The following CALHM1 variants were observed in gnomAD, a reference collection of about 807,000 sequenced individuals.
The protein encoded by CALHM1 is calcium homeostasis modulator 1, also known as calcium homeostasis modulator protein 1.
Under a neutral mutation model 14.8 loss-of-function variants are expected in CALHM1, and 11 were observed. That is an observed-to-expected ratio of 0.74 (90% confidence interval 0.47 to 1.23). The LOEUF (loss-of-function observed/expected upper bound fraction) is 1.23. CALHM1 is among the 50% of genes most tolerant of loss of function. CALHM1 has a pLI of 0.00. For missense variants in CALHM1, 458 were observed against 496.4 expected (o/e 0.92, Z 0.74); for synonymous variants, 215 against 218.9 (o/e 0.98, Z 0.16).
chr10:103,455,627 T>A lies in CALHM1; in HGVS notation c.676A>T (p.Ile226Phe), dbSNP rs145430538. 3 of 1,613,750 alleles carry A rather than the reference T, an allele frequency of 1.9e-6. No homozygotes were observed. Among genetic ancestry groups the A allele is most frequent in the Non-Finnish European group, 2.5e-6 (3 of 1,180,038 alleles). The part of the protein sequence containing the change: ...KSKYWSHYID[I>F]ERKLFDETCT... Reference sequence around the variant, plus strand: ...GTCTCGTCGAAGAGCTTGCGCTCGATGTCGATATAGTGGGACCAGTACTTG... The same window carrying A: ...GTCTCGTCGAAGAGCTTGCGCTCGAAGTCGATATAGTGGGACCAGTACTTG... Residue 226 changes from isoleucine to phenylalanine, a missense_variant, in exon 2 of 2, where the codon ATC (isoleucine) becomes TTC (phenylalanine). By Grantham distance (21) the Ile-to-Phe change is conservative. Coordinates refer to ENST00000329905, the MANE Select transcript of CALHM1 (RefSeq NM_001001412.4).
Position 103,455,131 on chromosome 10 carries a change from G to A in CALHM1, c.*131C>T, listed in dbSNP as rs1469655330. 1.5e-6 allele frequency: 2 copies of A among 1,322,094 alleles called. No homozygotes were observed. The highest frequency in any genetic ancestry group is 2.5e-5 in the East Asian group (1 of 39,560). 81.9% of individuals were successfully genotyped at this position (1,322,094 alleles called of 1,614,324 possible). On this transcript the variant is annotated 3_prime_UTR_variant, in exon 2 of 2. Transcript: ENST00000329905. ...TTTCCTGCCTCCAATGGGCAGGCGAGTGCTAGGGAGTGTGGATCTGCCTAG... is the reference window on the plus strand; with the variant it reads ...TTTCCTGCCTCCAATGGGCAGGCGAATGCTAGGGAGTGTGGATCTGCCTAG...
rs1293997168 is a variant in CALHM1, at chr10:103,455,747, C to T, written c.556G>A (p.Ala186Thr). 1 of 1,609,820 alleles carries T rather than the reference C, an allele frequency of 6.2e-7. No homozygotes were observed. The highest frequency in any genetic ancestry group is 8.5e-7 in the Non-Finnish European group (1 of 1,177,866). ...AGCAGCACGAAGGACCAGCCCAGCG[C>T]CTGTGGGAAGATGAGAGAGAGTCAC... ...AVRYLRCISQ[A>T]LGWSFVLLTT... Residue 186 changes from alanine (A) to threonine (T), a missense_variant and splice_region_variant, in exon 2 of 2, where the codon GCG (alanine) becomes ACG (threonine). Physicochemically the swap from Ala to Thr is moderately conservative, Grantham distance 58. Transcript: ENST00000329905.
At position 103,458,566 on chromosome 10, in the gene CALHM1, C is replaced by T. The variant is rs1011235938; in HGVS notation, c.186G>A (p.Leu62=). 1.2e-5 allele frequency: 19 copies of T among 1,613,902 alleles called. No individual in the cohort carries two copies. Among genetic ancestry groups the T allele is most frequent in the Middle Eastern group, 1.6e-4 (1 of 6,062 alleles). ...YSAGILLAPP[L]VLFLLGLVMN... is the part of the protein sequence containing the mutation. Reference sequence around the variant, plus strand: ...TGACCAGGCCAAGCAGAAAGAGCACCAGGGGTGGCGCCAGCAGGATGCCCG... The same window carrying T: ...TGACCAGGCCAAGCAGAAAGAGCACTAGGGGTGGCGCCAGCAGGATGCCCG... Residue 62 remains leucine (L), a synonymous_variant, in exon 1 of 2, where the codon CTG becomes CTA. Coordinates refer to ENST00000329905, the MANE Select transcript of CALHM1 (RefSeq NM_001001412.4). This position sits in a 1 kb window ranked among gnomAD's most constrained non-coding sequence, Gnocchi z 4.9.
In CALHM1 at chr10:103,458,693, A is replaced by C. The variant is rs2033187645; in HGVS notation, c.59T>G (p.Met20Arg). 1.2e-6 allele frequency: 2 copies of C among 1,614,112 alleles called. No homozygotes were observed. ...QFLQSNQESFMNGICGIMALA... is the reference protein window; with the variant it reads ...QFLQSNQESFRNGICGIMALA... ...GGCCATGATGCCACAGATGCCATTC[A>C]TGAAGGACTCCTGGTTGGACTGCAG... The change falls in exon 1 of 2, where the codon ATG becomes AGG. Residue 20 changes from methionine (M) to arginine (R), a missense_variant. Met to Arg is a moderately conservative substitution (Grantham distance 91, BLOSUM62 -1). Transcript: ENST00000329905. The surrounding 1 kb of genome is among the most constrained non-coding windows in gnomAD (Gnocchi z 4.9).
Position 103,458,061 on chromosome 10 carries a change from A to G in CALHM1, c.555+136T>C. 9.6e-7 allele frequency: 1 copy of G among 1,042,406 alleles called. No individual in the cohort carries two copies. Among genetic ancestry groups the G allele is most frequent in the Admixed American group, 2.3e-5 (1 of 44,038 alleles). The allele number at this position is 1,042,406 out of a possible 1,614,324, so 64.6% of individuals were successfully genotyped here. ...GATGCGTGGCTCTGCCTTCAGCCTC[A>G]GTTGGGAAGATGCCCCCCACACCTC... is the stretch of plus-strand genomic sequence containing the variant. On this transcript the variant is annotated intron_variant, in intron 1 of 1. Coordinates refer to ENST00000329905, the MANE Select transcript of CALHM1 (RefSeq NM_001001412.4). The surrounding 1 kb of genome is among the most constrained non-coding windows in gnomAD (Gnocchi z 4.9).
chr10:103,458,671 C>T lies in CALHM1; in HGVS notation c.81G>A (p.Met27Ile). 1 of 1,614,088 alleles carries T rather than the reference C, an allele frequency of 6.2e-7. No individual in the cohort carries two copies. The highest frequency in any genetic ancestry group is 2.2e-5 in the East Asian group (1 of 44,868). Residue 27 changes from methionine to isoleucine, a missense_variant, in exon 1 of 2, where the codon ATG (methionine) becomes ATA (isoleucine). Met to Ile is a conservative substitution (Grantham distance 10, BLOSUM62 1). Coordinates refer to ENST00000329905, the MANE Select transcript of CALHM1 (RefSeq NM_001001412.4). The surrounding 1 kb of genome is among the most constrained non-coding windows in gnomAD (Gnocchi z 4.9). The part of the protein sequence containing the change: ...ESFMNGICGI[M>I]ALASAQMYSA... ...AGTACATCTGGGCACTGGCCAGGGC[C>T]ATGATGCCACAGATGCCATTCATGA...
Position 103,458,257 on chromosome 10 carries a change from G to A in CALHM1, c.495C>T (p.Tyr165=), listed in dbSNP as rs747479912. The A allele has an allele frequency of 1.6e-5, 26 of 1,612,972 alleles. No homozygotes were observed. Among genetic ancestry groups the A allele is most frequent in the African/African-American group, 9.3e-5 (7 of 74,934 alleles). ...CTCGGGCCAACAGCCAGTCGCCATCGTAGATCTCAGGGCAGGGCACCCGGG... is the reference window on the plus strand; with the variant it reads ...CTCGGGCCAACAGCCAGTCGCCATCATAGATCTCAGGGCAGGGCACCCGGG... ...LLARVPCPEI[Y]DGDWLLAREV... Residue 165 remains tyrosine (Y), a synonymous_variant, in exon 1 of 2, where the codon TAC becomes TAT. Coordinates refer to ENST00000329905, the MANE Select transcript of CALHM1 (RefSeq NM_001001412.4). The surrounding 1 kb of genome is among the most constrained non-coding windows in gnomAD (Gnocchi z 4.9).
chr10:103,454,305 C>T lies in CALHM1; in HGVS notation c.*957G>A, dbSNP rs1205082936. ...ACAGGGTTTGTGAGTGGTAGAGACACCATTTGACCCAGTTCTGTCTCACTC... is the reference window on the plus strand; with the variant it reads ...ACAGGGTTTGTGAGTGGTAGAGACATCATTTGACCCAGTTCTGTCTCACTC... On this transcript the variant is annotated 3_prime_UTR_variant, in exon 2 of 2. Transcript: ENST00000329905. 6.6e-6 allele frequency: 1 copy of T among 152,262 alleles called. No homozygotes were observed. Among genetic ancestry groups the T allele is most frequent in the Non-Finnish European group, 1.5e-5 (1 of 68,104 alleles). The allele number at this position is 152,262 out of a possible 1,614,324, so 9.4% of individuals were successfully genotyped here.
At chr10:103,455,866 G>A in intron 1 of CALHM1, 119 bp from the exon 2 acceptor site, 1 of 1,261,754 alleles carries the variant, frequency 7.9e-7, no homozygotes, top group Admixed American at 2.8e-5. Flanking sequence ...TTGGGCAAGT[G>A]AGCTTGCCTC....
chr10:103,454,953 T>A lies in CALHM1; in HGVS notation c.*309A>T, dbSNP rs941104441. On this transcript the variant is annotated 3_prime_UTR_variant, in exon 2 of 2. Transcript: ENST00000329905. ...TGGGAGGAGACAGTGAACATCAGCC[T>A]GGGAAGGGCTGGGCAGAGGGGAGCC... The A allele has an allele frequency of 2.5e-5, 10 of 401,610 alleles. No homozygotes were observed. Among genetic ancestry groups the A allele is most frequent in the Admixed American group, 1.3e-4 (3 of 23,996 alleles). 24.9% of individuals were successfully genotyped at this position (401,610 alleles called of 1,614,324 possible).
In CALHM1 at chr10:103,458,314, G is replaced by T. The variant is rs755172682; in HGVS notation, c.438C>A (p.Gly146=). 5 of 1,611,026 alleles carry T rather than the reference G, an allele frequency of 3.1e-6. No individual in the cohort carries two copies. The highest frequency in any genetic ancestry group is 1.7e-5 in the Admixed American group (1 of 59,924). The change falls in exon 1 of 2, where the codon GGC becomes GGA. Residue 146 remains glycine, a synonymous_variant. Transcript: ENST00000329905. This position sits in a 1 kb window ranked among gnomAD's most constrained non-coding sequence, Gnocchi z 4.9. ...SALGNGSLAP[G]LPAPELARLL... Reference sequence around the variant, plus strand: ...GGCGGGCGAGCTCGGGGGCAGGAAGGCCGGGTGCCAGGCTGCCGTTGCCCA... The same window carrying T: ...GGCGGGCGAGCTCGGGGGCAGGAAGTCCGGGTGCCAGGCTGCCGTTGCCCA...
In CALHM1 at chr10:103,458,279, C is replaced by T. The variant is rs768468652; in HGVS notation, c.473G>A (p.Arg158Gln). Residue 158 changes from arginine to glutamine, a missense_variant, in exon 1 of 2, where the codon CGG becomes CAG. By Grantham distance (43) the Arg-to-Gln change is conservative. Transcript: ENST00000329905. This position sits in a 1 kb window ranked among gnomAD's most constrained non-coding sequence, Gnocchi z 4.9. ...PAPELARLLARVPCPEIYDGD... is the reference protein window; with the variant it reads ...PAPELARLLAQVPCPEIYDGD... The stretch of plus-strand genomic sequence containing the variant: ...ATCGTAGATCTCAGGGCAGGGCACC[C>T]GGGCCAGCAGGCGGGCGAGCTCGGG... 32 of 1,612,436 alleles carry T rather than the reference C, an allele frequency of 2.0e-5. No individual in the cohort carries two copies. The highest frequency in any genetic ancestry group is 6.7e-5 in the African/African-American group (5 of 74,922).
rs144739725 is a variant in CALHM1, at chr10:103,455,510, C to T, written c.793G>A (p.Gly265Arg). ...NHDLELGHTHGTLATAPASAA... is the reference protein window; with the variant it reads ...NHDLELGHTHRTLATAPASAA... The stretch of plus-strand genomic sequence containing the variant: ...GAAGCAGGGGCCGTGGCCAGTGTCC[C>T]GTGGGTGTGACCCAGCTCCAGGTCA... Residue 265 changes from glycine to arginine, a missense_variant, in exon 2 of 2, where the codon GGG becomes AGG. By Grantham distance (125) the Gly-to-Arg change is moderately radical. Transcript: ENST00000329905. The T allele has an allele frequency of 1.2e-5, 20 of 1,613,520 alleles. No individual in the cohort carries two copies. The highest frequency in any genetic ancestry group is 1.7e-5 in the Admixed American group (1 of 59,986).
At position 103,455,238 on chromosome 10, in the gene CALHM1, C is replaced by T; in HGVS notation, c.*24G>A. The T allele has an allele frequency of 6.4e-7, 1 of 1,555,196 alleles. No homozygotes were observed. Among genetic ancestry groups the T allele is most frequent in the Non-Finnish European group, 8.7e-7 (1 of 1,150,020 alleles). ...GGGGCTGTGGGCTCAGATCCCCGTT[C>T]CTGCCTCTTCAGCTGGCCACACCTC... On this transcript the variant is annotated 3_prime_UTR_variant, in exon 2 of 2. Coordinates refer to ENST00000329905, the MANE Select transcript of CALHM1 (RefSeq NM_001001412.4).
chr10:103,458,168 AC>A lies in CALHM1; in HGVS notation c.555+28del. 6.2e-7 allele frequency: 1 copy of A among 1,609,584 alleles called. No individual in the cohort carries two copies. The highest frequency in any genetic ancestry group is 8.5e-7 in the Non-Finnish European group (1 of 1,179,130). On this transcript the variant is annotated intron_variant, in intron 1 of 1. Coordinates refer to ENST00000329905, the MANE Select transcript of CALHM1 (RefSeq NM_001001412.4). This position sits in a 1 kb window ranked among gnomAD's most constrained non-coding sequence, Gnocchi z 4.9. ...AGAGGGACCTTGATCTGCCAGGGAG[AC>A]CCAGCGTGAAGCCATGCGGCCCCTC...
At position 103,455,112 on chromosome 10, in the gene CALHM1, G is replaced by C; in HGVS notation, c.*150C>G. 1 of 1,199,812 alleles carries C rather than the reference G, an allele frequency of 8.3e-7. No individual in the cohort carries two copies. The highest frequency in any genetic ancestry group is 1.1e-6 in the Non-Finnish European group (1 of 884,818). The allele number at this position is 1,199,812 out of a possible 1,614,324, so 74.3% of individuals were successfully genotyped here. ...ATCCCCTTCCAGCTCCAAATTTCCT[G>C]CCTCCAATGGGCAGGCGAGTGCTAG... On this transcript the variant is annotated 3_prime_UTR_variant, in exon 2 of 2. Coordinates refer to ENST00000329905, the MANE Select transcript of CALHM1 (RefSeq NM_001001412.4).
At position 103,458,558 on chromosome 10, in the gene CALHM1, AAG is replaced by A; in HGVS notation, c.192_193del (p.Phe65SerfsTer98). On this transcript the variant is annotated frameshift_variant, in exon 1 of 2. Coordinates refer to ENST00000329905, the MANE Select transcript of CALHM1 (RefSeq NM_001001412.4). LOFTEE classifies it high-confidence loss of function. This position sits in a 1 kb window ranked among gnomAD's most constrained non-coding sequence, Gnocchi z 4.9. ...GTTGTTCATGACCAGGCCAAGCAGA[AAG>A]AGCACCAGGGGTGGCGCCAGCAGGA... is the stretch of plus-strand genomic sequence containing the variant. 1.2e-6 allele frequency: 2 copies of A among 1,613,868 alleles called. No homozygotes were observed. The highest frequency in any genetic ancestry group is 1.7e-6 in the Non-Finnish European group (2 of 1,180,042).
rs750139891 is a variant in CALHM1, at chr10:103,454,089, G to C, written c.*1173C>G. On this transcript the variant is annotated 3_prime_UTR_variant, in exon 2 of 2. Transcript: ENST00000329905. ...GTGTTTGTGTTGCTGTCTCATCCCT[G>C]CCCAGGGGAGGAGGAAGGAAGTCCT... The C allele has an allele frequency of 4.6e-5, 7 of 152,324 alleles. No homozygotes were observed. Among genetic ancestry groups the C allele is most frequent in the Middle Eastern group, 3.4e-3 (1 of 294 alleles). 9.4% of individuals were successfully genotyped at this position (152,324 alleles called of 1,614,324 possible).
chr10:103,458,759 G>T lies in CALHM1; in HGVS notation c.-8C>A, dbSNP rs575956809. 26 of 1,593,702 alleles carry T rather than the reference G, an allele frequency of 1.6e-5. No homozygotes were observed. In the South Asian group the frequency reaches 2.7e-4, roughly 17 times the overall value. ...CCGGAACTTGTCCATCATGCCCGCT[G>T]TGGGGCCCGGCCTCCTCTTCCCAAC... On this transcript the variant is annotated 5_prime_UTR_variant, in exon 1 of 2. Coordinates refer to ENST00000329905, the MANE Select transcript of CALHM1 (RefSeq NM_001001412.4). The surrounding 1 kb of genome is among the most constrained non-coding windows in gnomAD (Gnocchi z 4.9).
Sources: gnomAD v4.1 joint callset for allele counts on GRCh38, gnomAD v4.1.1 for gene constraint, Gnocchi (gnomAD v3.1) non-coding constraint, MANE v1.5 for transcripts, NCBI Gene and HGNC (gene_info 2026-07-23, HGNC 2026-07-21) for gene names.